RPL28: variants seen among roughly 807,000 people sequenced by gnomAD.
The protein encoded by RPL28 is large ribosomal subunit protein eL28.
In RPL28, 4 loss-of-function variants were observed where a neutral mutation model predicts 12.5. The ratio of observed to expected loss-of-function variants is 0.32; its 90% CI spans 0.16 to 0.73. RPL28 has a LOEUF of 0.73. RPL28 is among the 30% of genes least tolerant of loss of function. RPL28 has a pLI of 0.66. For synonymous variants in RPL28, 91 were observed against 72.5 expected (o/e 1.26, Z -1.30); for missense variants, 214 against 197.7 (o/e 1.08, Z -0.49).
intron 4 of RPL28, among the ~76,000 whole-genome samples, chr19:55,399,131 C>T (rs1009689062): frequency 4.0e-5 from 6 of 151,868 alleles, no homozygotes; most frequent in East Asian, 1.9e-4. Context: ...AGATTACAGG[C>T]GCACACTACC....
chr19:55,401,886 C>T lies in RPL28; in HGVS notation c.325-1057C>T, dbSNP rs1012024907. The T allele has an allele frequency of 1.7e-5, 17 of 991,848 alleles. No individual in the cohort carries two copies. The African/African-American group carries it at 2.7e-4, about 16-fold the overall frequency. The allele number at this position is 991,848 out of a possible 1,614,324, so 61.4% of individuals were successfully genotyped here. On this transcript the variant is annotated intron_variant, in intron 4 of 4. Coordinates refer to the RPL28 transcript ENST00000560055. ...TCCCAACTCAGCTGCAGATCCAGGC[C>T]CCACCTATGCTGCATCCTCCCTCAT...
downstream of RPL28, among the ~76,000 whole-genome samples, chr19:55,392,687 C>T (rs888591303): frequency 3.3e-5 from 5 of 152,064 alleles, no homozygotes; most frequent in South Asian, 4.1e-4. Flanking sequence ...CCACCACGCC[C>T]GGCTAAATGT....
chr19:55,389,064 C>A lies in RPL28; in HGVS notation c.*732C>A. 1.0e-6 allele frequency: 1 copy of A among 985,562 alleles called. No individual in the cohort carries two copies. The highest frequency in any genetic ancestry group is 1.2e-6 in the Non-Finnish European group (1 of 830,010). The allele number at this position is 985,562 out of a possible 1,614,324, so 61.1% of individuals were successfully genotyped here. The stretch of plus-strand genomic sequence containing the variant: ...AGTGGCCGCTCCTGGGCCACCCTGT[C>A]ACCCAAGCTTTCCTGATTGCCCAGC... On this transcript the variant is annotated 3_prime_UTR_variant, in exon 5 of 5. Coordinates refer to ENST00000344063, the MANE Select transcript of RPL28 (RefSeq NM_000991.5).
Position 55,388,572 on chromosome 19 carries a change from T to C in RPL28, c.*240T>C, listed in dbSNP as rs10418020. On this transcript the variant is annotated 3_prime_UTR_variant, in exon 5 of 5. Coordinates refer to ENST00000344063, the MANE Select transcript of RPL28 (RefSeq NM_000991.5). ...AGGGTCACTGTCTTCACAGAAAAAG[T>C]TTGCTGACTTGTGATTGAGACCTAC... is the stretch of plus-strand genomic sequence containing the variant. 379,151 of 1,246,520 alleles carry C rather than the reference T, an allele frequency of 0.3. 64,045 individuals carry two copies. Among genetic ancestry groups the C allele is most frequent in the African/African-American group, 0.67 (43,524 of 64,548 alleles). 77.2% of individuals were successfully genotyped at this position (1,246,520 alleles called of 1,614,324 possible).
At position 55,390,270 on chromosome 19, in the gene RPL28, T is replaced by C; in HGVS notation, c.*1938T>C. ...CAGGCTGGCGAGTGCAATGGCGCGA[T>C]CTTGGCTCACTGCAGCCTCCACCTC... On this transcript the variant is annotated 3_prime_UTR_variant, in exon 5 of 5. Coordinates refer to ENST00000344063, the MANE Select transcript of RPL28 (RefSeq NM_000991.5). 4.3e-6 allele frequency: 4 copies of C among 929,002 alleles called. No homozygotes were observed. Among genetic ancestry groups the C allele is most frequent in the Non-Finnish European group, 5.1e-6 (4 of 778,742 alleles). 57.5% of individuals were successfully genotyped at this position (929,002 alleles called of 1,614,324 possible). A position where few individuals can be genotyped will look rare whatever the true frequency, so the allele number is the denominator to read the frequency against.
In RPL28 at chr19:55,391,382, G is replaced by A; in HGVS notation, c.*3050G>A. The A allele has an allele frequency of 2.4e-6, 3 of 1,254,528 alleles. No individual in the cohort carries two copies. The highest frequency in any genetic ancestry group is 3.0e-6 in the Non-Finnish European group (3 of 994,006). 77.7% of individuals were successfully genotyped at this position (1,254,528 alleles called of 1,614,324 possible). A position where few individuals can be genotyped will look rare whatever the true frequency, so the allele number is the denominator to read the frequency against. ...GCCTTTCACAGCCCTGCATAAGGCAGGTGTCTCAGTGTTCACTGCTGTCTC... is the reference window on the plus strand; with the variant it reads ...GCCTTTCACAGCCCTGCATAAGGCAAGTGTCTCAGTGTTCACTGCTGTCTC... On this transcript the variant is annotated 3_prime_UTR_variant, in exon 5 of 5. Transcript: ENST00000344063.
chr19:55,387,807 C>T, intron 3 of RPL28, 123 bp from the exon 4 acceptor site: 2 of 1,469,898 alleles, frequency 1.4e-6, no homozygotes, highest in South Asian at 2.9e-5. Context: ...GCTGGCCTGC[C>T]CAGGCACCCG....
intron 4 of RPL28, chr19:55,401,033 A>G (rs2090053278): frequency 4.5e-6 from 1 of 221,198 alleles, no homozygotes; most frequent in East Asian, 1.3e-4. Context: ...TCAGGCCACC[A>G]GGAGCAGCTC....
downstream of RPL28, among the ~76,000 whole-genome samples, chr19:55,395,194 T>G (rs568745192): frequency 4.6e-5 from 7 of 152,276 alleles, no homozygotes; most frequent in Non-Finnish European, 8.8e-5. Flanking sequence ...TGGAGTACAG[T>G]GGTGCGATCT....
chr19:55,393,846 C>G (rs1347781432), downstream of RPL28, among the ~76,000 whole-genome samples: 2 of 151,908 alleles, frequency 1.3e-5, no homozygotes, highest in Non-Finnish European at 2.9e-5. Context: ...ACGGGGGTGT[C>G]ACCATGTTGG....
exon 5 of RPL28, chr19:55,403,058 C>A (rs2090073041): frequency 1.5e-6 from 2 of 1,377,700 alleles, no homozygotes; most frequent in Non-Finnish European, 2.0e-6. Flanking sequence ...ATGGAGCCAT[C>A]TCGTACGCTG....
In RPL28 at chr19:55,392,038, C is replaced by A. The variant is rs1569043790; in HGVS notation, c.*3706C>A. ...CTGCCCAGGAATGGTATCAATTCCC[C>A]TGTTTCTCTTGTAGCCAGTTACTAG... On this transcript the variant is annotated 3_prime_UTR_variant, in exon 5 of 5. Coordinates refer to ENST00000344063, the MANE Select transcript of RPL28 (RefSeq NM_000991.5). 9.4e-7 allele frequency: 1 copy of A among 1,058,592 alleles called. No individual in the cohort carries two copies. The highest frequency in any genetic ancestry group is 1.1e-6 in the Non-Finnish European group (1 of 877,284). 65.6% of individuals were successfully genotyped at this position (1,058,592 alleles called of 1,614,324 possible). A position where few individuals can be genotyped will look rare whatever the true frequency, so the allele number is the denominator to read the frequency against.
At chr19:55,401,812 C>T (rs2090061502) in intron 4 of RPL28, 2 of 1,599,258 alleles carry the variant, frequency 1.3e-6, no homozygotes, top group Non-Finnish European at 1.7e-6. Context: ...CTACAGGGAC[C>T]CCCAGGCCTC....
chr19:55,387,416 C>G, intron 3 of RPL28: 1 of 1,543,016 alleles, frequency 6.5e-7, no homozygotes, highest in South Asian at 1.2e-5. Flanking sequence ...AGGGAGCAGC[C>G]AATTGCTTGG....
chr19:55,386,497 T>A, intron 2 of RPL28, 59 bp downstream of exon 2: 1 of 1,597,928 alleles, frequency 6.3e-7, no homozygotes, highest in Non-Finnish European at 8.6e-7. Flanking sequence ...CTCTTGACTC[T>A]GGGTCAGAGG....
At position 55,389,632 on chromosome 19, in the gene RPL28, T is replaced by C; in HGVS notation, c.*1300T>C. 5.1e-6 allele frequency: 5 copies of C among 985,546 alleles called. No individual in the cohort carries two copies. Among genetic ancestry groups the C allele is most frequent in the Non-Finnish European group, 6.0e-6 (5 of 829,994 alleles). The allele number at this position is 985,546 out of a possible 1,614,324, so 61.1% of individuals were successfully genotyped here. ...TGCGTTTTGAGGCAGACCACTGCCCTTCCGACCTCAGTCCTGTCTGCTCCA... is the reference window on the plus strand; with the variant it reads ...TGCGTTTTGAGGCAGACCACTGCCCCTCCGACCTCAGTCCTGTCTGCTCCA... On this transcript the variant is annotated 3_prime_UTR_variant, in exon 5 of 5. Coordinates refer to ENST00000344063, the MANE Select transcript of RPL28 (RefSeq NM_000991.5).
downstream of RPL28, among the ~76,000 whole-genome samples, chr19:55,394,232 A>C (rs1157575325): frequency 2.0e-5 from 3 of 152,200 alleles, no homozygotes; most frequent in Non-Finnish European, 4.4e-5. Context: ...ACTGCACTCC[A>C]GCCTGTGTGA....
At chr19:55,386,295 AACGCTGCTTTAGTTCT>A (rs2089923787) in intron 1 of RPL28, 39 bp from the exon 2 acceptor site, 8 of 1,552,116 alleles carry the variant, frequency 5.2e-6, no homozygotes, top group Non-Finnish European at 7.1e-6. Flanking sequence ...CCCGTGGCCT[AACGCTGCTTTAGTTCT>A]CTGTGTCTGA....
chr19:55,388,348 A>G lies in RPL28; in HGVS notation c.*16A>G, dbSNP rs1378059377. 3.3e-6 allele frequency: 5 copies of G among 1,493,434 alleles called. No individual in the cohort carries two copies. The highest frequency in any genetic ancestry group is 4.4e-6 in the Non-Finnish European group (5 of 1,123,828). The allele number at this position is 1,493,434 out of a possible 1,614,324, so 92.5% of individuals were successfully genotyped here. A position where few individuals can be genotyped will look rare whatever the true frequency, so the allele number is the denominator to read the frequency against. On this transcript the variant is annotated 3_prime_UTR_variant, in exon 5 of 5. Transcript: ENST00000344063. The stretch of plus-strand genomic sequence containing the variant: ...GAGCTCCTGAGCCCCCTGCCCCCAG[A>G]GCAATAAAGTCAGCTGGCTTTCTCA...
Sources: gnomAD v4.1 joint callset for allele counts (sites outside exome capture counted in the v4.1 genomes callset) on GRCh38, gnomAD v4.1.1 for gene constraint, MANE v1.5 for transcripts, NCBI Gene and HGNC (gene_info 2026-07-23, HGNC 2026-07-21) for gene names.